Variants in DOCK1 observed in about 807,000 individuals in gnomAD.
The protein encoded by DOCK1 is dedicator of cytokinesis 1.
In DOCK1, 138 loss-of-function variants were observed where a neutral mutation model predicts 262.7. The observed-to-expected ratio is 0.53, with a 90% CI of 0.46 to 0.61. The LOEUF (loss-of-function observed/expected upper bound fraction) is 0.61, where lower values mean the gene tolerates loss of function less well. DOCK1 is among the 20% of genes least tolerant of loss of function. The pLI is 0.00. For synonymous variants in DOCK1, 866 were observed against 867.4 expected, an observed-to-expected ratio of 1.00 and a Z score of 0.03; for missense variants, 1,908 against 2,370.7, an observed-to-expected ratio of 0.80 and a Z score of 4.05.
rs1466441421 is a variant in DOCK1 at position 127,193,379 on chromosome 10, T to A, written c.2848-54629T>A. ...GATGCTATGGACGCGTTGAACAGCATCCTTCACAAGCGTTAAAATCCGTGG... is the reference window on the plus strand; with the variant it reads ...GATGCTATGGACGCGTTGAACAGCAACCTTCACAAGCGTTAAAATCCGTGG... On this transcript the variant is annotated intron_variant, in intron 27 of 51. Transcript: ENST00000623213. Among the ~76,000 whole-genome samples the A allele has an allele frequency of 8.5e-5, 13 of 152,324 alleles. No homozygotes were observed. In the South Asian group the frequency reaches 2.7e-3, roughly 32 times the overall value.
chr10:127,174,505 G>A (rs2054887478), intron 27 of DOCK1, among the ~76,000 whole-genome samples: 1 of 152,206 alleles, frequency 6.6e-6, no homozygotes, highest in Non-Finnish European at 1.5e-5. Context: ...AACATGAAGT[G>A]CAAGATGGTC....
intron 30 of DOCK1, among the ~76,000 whole-genome samples, chr10:127,343,240 A>AT (rs1320537955): frequency 6.6e-6 from 1 of 152,184 alleles, no homozygotes; most frequent in Non-Finnish European, 1.5e-5. Context: ...GGGAGACTCC[A>AT]TCTCAATAAA....
At chr10:127,083,650 A>T (rs2047037071) in intron 23 of DOCK1, among the ~76,000 whole-genome samples, 1 of 152,204 alleles carries the variant, frequency 6.6e-6, no homozygotes, top group Admixed American at 6.5e-5. Flanking sequence ...ATGGAAGATG[A>T]TTAGTGAGTT....
intron 29 of DOCK1, chr10:127,257,641 T>G (rs1382829568): frequency 2.7e-5 from 11 of 408,288 alleles, no homozygotes; most frequent in South Asian, 4.9e-5. Context: ...CTCTAAGAAC[T>G]TGAGCTCCGT....
At chr10:127,129,771 G>A (rs1029648224) in intron 27 of DOCK1, among the ~76,000 whole-genome samples, 3 of 152,202 alleles carry the variant, frequency 2.0e-5, no homozygotes, top group Non-Finnish European at 4.4e-5. Flanking sequence ...TCTTGGGATG[G>A]GCGGACTTAG....
chr10:127,287,380 C>A (rs1294655511), intron 29 of DOCK1, among the ~76,000 whole-genome samples: 1 of 151,960 alleles, frequency 6.6e-6, no homozygotes, highest in Non-Finnish European at 1.5e-5. Context: ...TGTATAGCTG[C>A]AATCTCACCA....
intron 1 of DOCK1, among the ~76,000 whole-genome samples, chr10:126,962,750 A>G (rs1321985524): frequency 6.6e-6 from 1 of 152,200 alleles, no homozygotes; most frequent in Non-Finnish European, 1.5e-5. Context: ...TAACTTAGCT[A>G]TCTTTTCTTT....
At chr10:127,264,431 C>T (rs1200429264) in intron 29 of DOCK1, among the ~76,000 whole-genome samples, 2 of 152,040 alleles carry the variant, frequency 1.3e-5, no homozygotes, top group African/African-American at 4.8e-5. Context: ...GTTTTGAAGC[C>T]CACACACTTT....
rs57984229 is a variant in DOCK1 at position 127,231,857 on chromosome 10, T to C, written c.2848-16151T>C. 2.7e-3 allele frequency among the ~76,000 whole-genome samples: 413 copies of C among 152,302 alleles called. 1 individual carries two copies. Among genetic ancestry groups the C allele is most frequent in the African/African-American group, 9.4e-3 (390 of 41,566 alleles). ...GCTCAGACATCTTCATTTGTTCAAATAAACTCCATTTTTTCAGACAGACTT... is the reference window on the plus strand; with the variant it reads ...GCTCAGACATCTTCATTTGTTCAAACAAACTCCATTTTTTCAGACAGACTT... On this transcript the variant is annotated intron_variant, in intron 27 of 51. Transcript: ENST00000623213.
At chr10:127,256,285 C>T (rs964991612) in intron 28 of DOCK1, among the ~76,000 whole-genome samples, 1 of 152,204 alleles carries the variant, frequency 6.6e-6, no homozygotes, top group African/African-American at 2.4e-5. Flanking sequence ...TTTGCAGGAG[C>T]TGCTTATTTA....
At chr10:127,255,483 G>C (rs1280921879) in intron 28 of DOCK1, among the ~76,000 whole-genome samples, 1 of 152,182 alleles carries the variant, frequency 6.6e-6, no homozygotes, top group Non-Finnish European at 1.5e-5. Context: ...ATCCCTTGTT[G>C]ACTTGGAGAC....
chr10:127,215,669 T>A (rs1007609447), intron 27 of DOCK1, among the ~76,000 whole-genome samples: 1 of 152,158 alleles, frequency 6.6e-6, no homozygotes, highest in Non-Finnish European at 1.5e-5. Context: ...TTCAAAGGCT[T>A]AAAATATGCC....
chr10:126,969,673 G>C (rs1337967798), intron 1 of DOCK1, among the ~76,000 whole-genome samples: 1 of 151,840 alleles, frequency 6.6e-6, no homozygotes, highest in Admixed American at 6.6e-5. Context: ...GGCCCAGCTG[G>C]CGAGGGAGAA....
intron 29 of DOCK1, among the ~76,000 whole-genome samples, chr10:127,306,610 G>T (rs1023955341): frequency 6.6e-6 from 1 of 152,078 alleles, no homozygotes; most frequent in Non-Finnish European, 1.5e-5. Context: ...TTTCACACAG[G>T]GGTTTATCCC....
intron 23 of DOCK1, among the ~76,000 whole-genome samples, chr10:127,092,303 T>C (rs922547051): frequency 1.3e-5 from 2 of 152,150 alleles, no homozygotes; most frequent in Non-Finnish European, 2.9e-5. Flanking sequence ...AAGGTGTCAT[T>C]GTAGTCCTGG....
intron 1 of DOCK1, among the ~76,000 whole-genome samples, chr10:126,907,048 CAG>C (rs2030995952): frequency 6.6e-6 from 1 of 152,216 alleles, no homozygotes; most frequent in Non-Finnish European, 1.5e-5. Context: ...ACTGCAGACT[CAG>C]TGTGTAACCT....
Position 127,175,745 on chromosome 10 carries a change from G to C in DOCK1, c.2847+47981G>C. On this transcript the variant is annotated intron_variant, in intron 27 of 51. Transcript: ENST00000623213. The surrounding 1 kb of genome is among the most constrained non-coding windows in gnomAD (Gnocchi z 6.3). The stretch of plus-strand genomic sequence containing the variant: ...CGAGCAGCTGGTAATCGGGCTCTTC[G>C]GATGGAGGCCGAGTGGAGTTTTGGA... The C allele has an allele frequency of 1.2e-6, 2 of 1,614,070 alleles. No homozygotes were observed. The highest frequency in any genetic ancestry group is 1.7e-6 in the Non-Finnish European group (2 of 1,180,042).
chr10:126,981,227 G>A (rs192244570), intron 3 of DOCK1, among the ~76,000 whole-genome samples: 5 of 152,076 alleles, frequency 3.3e-5, no homozygotes, highest in Non-Finnish European at 7.4e-5. Flanking sequence ...GGATTACATC[G>A]TGCCTGGCCT....
intron 16 of DOCK1, among the ~76,000 whole-genome samples, chr10:127,027,754 G>GGGGCC (rs142638500): frequency 0.021 from 3,123 of 152,220 alleles, 86 homozygotes; most frequent in African/African-American, 0.065. Context: ...GACTATTTCT[G>GGGGCC]GGGCCTGGCC....
Sources: gnomAD v4.1 joint callset for allele counts (sites outside exome capture counted in the v4.1 genomes callset) on GRCh38, gnomAD v4.1.1 for gene constraint, Gnocchi (gnomAD v3.1) non-coding constraint, MANE v1.5 for transcripts, NCBI Gene and HGNC (gene_info 2026-07-23, HGNC 2026-07-21) for gene names.